Variants in RALYL observed in about 807,000 individuals in gnomAD.
RALYL encodes RNA-binding Raly-like protein.
RALYL carries 29 observed loss-of-function variants against 35.1 expected under a neutral mutation model. That is an observed-to-expected ratio of 0.83 (90% CI 0.61 to 1.13). RALYL has a LOEUF of 1.13. Among genes scored for constraint, RALYL ranks in the 50% most tolerant of loss-of-function variants. The pLI, the probability that RALYL is intolerant of heterozygous loss-of-function variation, is 0.00. For synonymous variants in RALYL, 120 were observed against 127.6 expected, an observed-to-expected ratio of 0.94 and a Z score of 0.40; for missense variants, 359 against 360.4, an observed-to-expected ratio of 1.00 and a Z score of 0.03.
At chr8:84,236,415 C>T (rs1333222227) in intron 1 of RALYL, among the ~76,000 whole-genome samples, 1 of 152,138 alleles carries the variant, frequency 6.6e-6, no homozygotes, top group African/African-American at 2.4e-5. Flanking sequence ...GGCTAAATGA[C>T]CCTTCCCCAC....
At chr8:84,235,212 TGAC>T (rs1194349192) in intron 1 of RALYL, among the ~76,000 whole-genome samples, 1 of 152,236 alleles carries the variant, frequency 6.6e-6, no homozygotes, top group Non-Finnish European at 1.5e-5. Context: ...GAAAATTAAT[TGAC>T]AAGTGCAATT....
At chr8:84,299,833 T>A (rs1840435480) in intron 1 of RALYL, among the ~76,000 whole-genome samples, 2 of 152,026 alleles carry the variant, frequency 1.3e-5, no homozygotes, top group Non-Finnish European at 2.9e-5. Context: ...TGATGGTGTT[T>A]ATTTGGATCT....
intron 1 of RALYL, among the ~76,000 whole-genome samples, chr8:84,249,936 A>T (rs1302433615): frequency 6.6e-6 from 1 of 152,020 alleles, no homozygotes. Flanking sequence ...AGAAGATATA[A>T]AAAGGTGATT....
intron 2 of RALYL, among the ~76,000 whole-genome samples, chr8:84,584,600 T>TTAA (rs1811578363): frequency 8.2e-6 from 1 of 122,596 alleles, no homozygotes; most frequent in Admixed American, 7.8e-5. Context: ...AGACTCTGTC[T>TTAA]CAAAAAAAAA....
intron 3 of RALYL, among the ~76,000 whole-genome samples, chr8:84,785,579 G>A (rs1819243278): frequency 6.6e-6 from 1 of 151,904 alleles, no homozygotes; most frequent in Non-Finnish European, 1.5e-5. Flanking sequence ...CATGTCTTTT[G>A]ACTAATTCCA....
At chr8:84,286,702 C>G (rs1354652815) in intron 1 of RALYL, among the ~76,000 whole-genome samples, 1 of 152,050 alleles carries the variant, frequency 6.6e-6, no homozygotes, top group East Asian at 1.9e-4. Context: ...AGCCAGAGCC[C>G]ACAGGTCATA....
chr8:84,619,310 G>A (rs1820675820), intron 2 of RALYL, among the ~76,000 whole-genome samples: 1 of 151,666 alleles, frequency 6.6e-6, no homozygotes, highest in African/African-American at 2.4e-5. Context: ...AGGATAGTTA[G>A]CTCTTCTTGT....
intron 2 of RALYL, among the ~76,000 whole-genome samples, chr8:84,693,975 C>T (rs1244237819): frequency 6.6e-6 from 1 of 151,682 alleles, no homozygotes; most frequent in Non-Finnish European, 1.5e-5. Flanking sequence ...TACCTCTACA[C>T]AATAAAGGCC....
At chr8:84,419,694 C>A (rs2045241004) in intron 1 of RALYL, among the ~76,000 whole-genome samples, 1 of 112,042 alleles carries the variant, frequency 8.9e-6, no homozygotes, top group East Asian at 3.3e-4. Context: ...TGTCCCTCCC[C>A]CCTCCCCCCA....
intron 1 of RALYL, among the ~76,000 whole-genome samples, chr8:84,337,296 C>T (rs1847973424): frequency 1.3e-5 from 2 of 150,434 alleles, no homozygotes; most frequent in Admixed American, 1.3e-4. Flanking sequence ...ATAATGCCAG[C>T]TCATTCGAGG....
At chr8:84,859,457 G>A (rs976287355) in intron 5 of RALYL, among the ~76,000 whole-genome samples, 1 of 152,022 alleles carries the variant, frequency 6.6e-6, no homozygotes, top group Non-Finnish European at 1.5e-5. Flanking sequence ...ATTTTGTTTT[G>A]TGAATGACCT....
chr8:84,797,195 C>T (rs1489258562), intron 3 of RALYL, among the ~76,000 whole-genome samples: 10 of 152,062 alleles, frequency 6.6e-5, no homozygotes, highest in Non-Finnish European at 1.3e-4. Flanking sequence ...CAAAACAGAG[C>T]GAAAAAGCAG....
intron 1 of RALYL, among the ~76,000 whole-genome samples, chr8:84,308,068 C>T (rs570438571): frequency 6.7e-6 from 1 of 149,462 alleles, no homozygotes; most frequent in South Asian, 2.1e-4. Context: ...CTGATTCTTT[C>T]TAAACAAAAG....
chr8:84,591,003 A>G (rs1453661795), intron 2 of RALYL, among the ~76,000 whole-genome samples: 2 of 152,166 alleles, frequency 1.3e-5, no homozygotes, highest in Non-Finnish European at 2.9e-5. Flanking sequence ...AAGATAAGTA[A>G]CTGCATTGTT....
intron 1 of RALYL, among the ~76,000 whole-genome samples, chr8:84,373,573 C>T (rs1856350328): frequency 6.6e-6 from 1 of 151,912 alleles, no homozygotes; most frequent in African/African-American, 2.4e-5. Context: ...TTCCATTGGT[C>T]AATGTGTCTG....
chr8:84,786,419 G>A (rs894562043), intron 3 of RALYL, among the ~76,000 whole-genome samples: 5 of 152,148 alleles, frequency 3.3e-5, no homozygotes, highest in Non-Finnish European at 7.3e-5. Context: ...CTTCCATGAT[G>A]TTTGAACTAA....
intron 6 of RALYL, among the ~76,000 whole-genome samples, chr8:84,864,308 T>C (rs1838720441): frequency 6.6e-6 from 1 of 152,184 alleles, no homozygotes; most frequent in South Asian, 2.1e-4. Context: ...ATGTGGTGTG[T>C]TTTATTTTTT....
chr8:84,603,308 A>G (rs1025414437), intron 2 of RALYL, among the ~76,000 whole-genome samples: 6 of 151,994 alleles, frequency 3.9e-5, no homozygotes, highest in South Asian at 2.1e-4. Context: ...TGCTATTATT[A>G]TTGTTGTTAT....
At chr8:84,782,029 G>A (rs1033476063) in intron 3 of RALYL, among the ~76,000 whole-genome samples, 6 of 123,944 alleles carry the variant, frequency 4.8e-5, no homozygotes, top group Admixed American at 1.6e-4. Flanking sequence ...GTGCACACGC[G>A]CGCACACACA....
Sources: allele counts gnomAD v4.1 joint callset (sites outside exome capture counted in the v4.1 genomes callset), GRCh38; gene constraint gnomAD v4.1.1; transcripts MANE v1.5; gene names NCBI Gene and HGNC (gene_info 2026-07-23, HGNC 2026-07-21).